Variants in BACH2 observed in about 807,000 individuals in gnomAD.
BACH2 encodes BACH transcriptional regulator 2.
BACH2 carries 5 observed loss-of-function variants against 61.8 expected under a neutral mutation model. That is an observed-to-expected ratio of 0.08 (90% CI 0.04 to 0.17). The LOEUF is 0.17. Ranked by LOEUF, BACH2 falls within the 10% of genes least tolerant of loss-of-function variation. The probability of loss-of-function intolerance (pLI) is 1.00; values close to 1 mark genes in which losing one functional copy is unlikely to be tolerated. For missense variants in BACH2, 824 were observed against 1,091.1 expected (o/e 0.76, Z 3.45); for synonymous variants, 446 against 440.1 (o/e 1.01, Z -0.17).
chr6:90,171,761 T>C (rs1388563306), intron 4 of BACH2, among the ~76,000 whole-genome samples: 1 of 152,170 alleles, frequency 6.6e-6, no homozygotes, highest in East Asian at 1.9e-4. Context: ...ATAGATGTGT[T>C]TAACATTTTT....
chr6:90,215,834 G>A (rs536827317), intron 3 of BACH2, among the ~76,000 whole-genome samples: 2 of 152,256 alleles, frequency 1.3e-5, no homozygotes, highest in East Asian at 3.9e-4. Context: ...CCCAGGCCTT[G>A]AGAAACCTAC....
chr6:89,979,509 C>T (rs886191234), intron 6 of BACH2, among the ~76,000 whole-genome samples: 7 of 152,144 alleles, frequency 4.6e-5, no homozygotes, highest in African/African-American at 1.7e-4. Context: ...AGCAGAGGGA[C>T]ACTAAACCCC....
At chr6:90,223,232 CAT>C (rs959108766) in intron 3 of BACH2, among the ~76,000 whole-genome samples, 7 of 152,306 alleles carry the variant, frequency 4.6e-5, no homozygotes, top group African/African-American at 1.7e-4. Flanking sequence ...GTACCCACCA[CAT>C]GTTAGGCAAC....
intron 4 of BACH2, among the ~76,000 whole-genome samples, chr6:90,198,833 G>A (rs1215626415): frequency 6.6e-6 from 1 of 152,186 alleles, no homozygotes; most frequent in East Asian, 1.9e-4. Context: ...TCAAACTGTA[G>A]CTCCCATAAT....
intron 5 of BACH2, among the ~76,000 whole-genome samples, chr6:90,060,287 A>G (rs1470658246): frequency 2.6e-5 from 4 of 152,144 alleles, no homozygotes; most frequent in Non-Finnish European, 4.4e-5. Context: ...AATAGGCTTT[A>G]GTTAGGCTTG....
intron 4 of BACH2, among the ~76,000 whole-genome samples, chr6:90,200,018 T>C (rs1296450673): frequency 6.6e-6 from 1 of 152,152 alleles, no homozygotes; most frequent in Non-Finnish European, 1.5e-5. Context: ...CTTTTGTTTA[T>C]GTGAGTTGTT....
chr6:90,028,712 A>G (rs1199615798), intron 5 of BACH2, among the ~76,000 whole-genome samples: 1 of 152,202 alleles, frequency 6.6e-6, no homozygotes, highest in East Asian at 1.9e-4. Context: ...CCCATTAGAT[A>G]CTGCATACAA....
In BACH2 at chr6:90,239,032, T is replaced by C. The variant is rs16882568; in HGVS notation, c.-275+13481A>G. On this transcript the variant is annotated intron_variant, in intron 3 of 8. Transcript: ENST00000257749. ...ACGACCACTAACTCAAATACTGATT[T>C]TAAGGCAGGAGCAGCAGCAGGTTAG... 8.1e-3 allele frequency among the ~76,000 whole-genome samples: 1,228 copies of C among 152,314 alleles called. 47 individuals are homozygous for C. The highest frequency in any genetic ancestry group is 0.059 in the East Asian group (306 of 5,188).
chr6:90,169,183 G>T lies in BACH2; in HGVS notation c.-162+37386C>A, dbSNP rs1464083594. Among the ~76,000 whole-genome samples, 15 of 150,042 alleles carry T rather than the reference G, an allele frequency of 1.0e-4. No homozygotes were observed. In the South Asian group the frequency reaches 2.5e-3, roughly 25 times the overall value. ...TACTGGTGATTAAAAAAAAAAAAAAGATTTTCTGAACTTTTTCCCAATAAA... is the reference window on the plus strand; with the variant it reads ...TACTGGTGATTAAAAAAAAAAAAAATATTTTCTGAACTTTTTCCCAATAAA... On this transcript the variant is annotated intron_variant, in intron 4 of 8. Transcript: ENST00000257749.
At chr6:90,235,631 G>C (rs907997148) in intron 3 of BACH2, among the ~76,000 whole-genome samples, 1 of 152,138 alleles carries the variant, frequency 6.6e-6, no homozygotes, top group Non-Finnish European at 1.5e-5. Context: ...GAGCCTGGGC[G>C]ATATAGTGAG....
At chr6:90,148,611 G>A (rs76522967) in intron 4 of BACH2, among the ~76,000 whole-genome samples, 3 of 151,896 alleles carry the variant, frequency 2.0e-5, no homozygotes, top group African/African-American at 7.3e-5. Context: ...CAAGTGACAT[G>A]GTAAAAATTG....
chr6:90,180,381 A>G (rs1256811613), intron 4 of BACH2, among the ~76,000 whole-genome samples: 1 of 152,200 alleles, frequency 6.6e-6, no homozygotes, highest in Non-Finnish European at 1.5e-5. Context: ...CTAATACTTA[A>G]AAATGTTATT....
intron 4 of BACH2, among the ~76,000 whole-genome samples, chr6:90,099,799 T>C (rs151294217): frequency 3.9e-5 from 6 of 152,222 alleles, no homozygotes; most frequent in Admixed American, 2.6e-4. Flanking sequence ...TATCATACAA[T>C]TCACACCTTT....
intron 8 of BACH2, among the ~76,000 whole-genome samples, chr6:89,933,745 G>A (rs921014462): frequency 6.6e-6 from 1 of 152,146 alleles, no homozygotes; most frequent in Non-Finnish European, 1.5e-5. Context: ...CAACACTATG[G>A]AAGGCCAAGT....
At chr6:90,048,197 T>C (rs1779879033) in intron 5 of BACH2, among the ~76,000 whole-genome samples, 1 of 152,184 alleles carries the variant, frequency 6.6e-6, no homozygotes, top group East Asian at 1.9e-4. Context: ...GGTGTGATCA[T>C]AGCTCACTGC....
At position 89,977,730 on chromosome 6, in the gene BACH2, T is replaced by C. The variant is rs1040256178; in HGVS notation, c.244-25868A>G. Among the ~76,000 whole-genome samples, 21 of 152,136 alleles carry C rather than the reference T, an allele frequency of 1.4e-4. 1 individual carries two copies. Among genetic ancestry groups the C allele is most frequent in the African/African-American group, 5.1e-4 (21 of 41,426 alleles). On this transcript the variant is annotated intron_variant, in intron 6 of 8. Transcript: ENST00000257749. ...TATCGAGATTATATTACAATTTATG[T>C]TAGGTTAAGTCATTGCTGAGATACA...
intron 1 of BACH2, among the ~76,000 whole-genome samples, chr6:90,283,253 T>A (rs1771912015): frequency 6.6e-6 from 1 of 152,250 alleles, no homozygotes; most frequent in Non-Finnish European, 1.5e-5. Flanking sequence ...ACCAGTATTA[T>A]TTATGTGCCA....
At chr6:90,034,205 C>G (rs181655373) in intron 5 of BACH2, among the ~76,000 whole-genome samples, 2 of 152,216 alleles carry the variant, frequency 1.3e-5, no homozygotes, top group East Asian at 3.9e-4. Flanking sequence ...AATGTATTAG[C>G]CTGATATTAA....
At chr6:90,168,229 C>T (rs1443938204) in intron 4 of BACH2, among the ~76,000 whole-genome samples, 1 of 152,036 alleles carries the variant, frequency 6.6e-6, no homozygotes, top group Non-Finnish European at 1.5e-5. Context: ...GTGGTGGTGC[C>T]TATAGTCCCA....
Sources: gnomAD v4.1 joint callset for allele counts (sites outside exome capture counted in the v4.1 genomes callset) on GRCh38, gnomAD v4.1.1 for gene constraint, MANE v1.5 for transcripts, NCBI Gene and HGNC (gene_info 2026-07-23, HGNC 2026-07-21) for gene names.